The following MAP3K19 variants were observed in gnomAD, a reference collection of about 807,000 sequenced individuals.
MAP3K19 encodes the protein mitogen-activated protein kinase kinase kinase 19.
MAP3K19 carries 91 observed loss-of-function variants against 114.4 expected under a neutral mutation model. The ratio of observed to expected loss-of-function variants is 0.80; its 90% CI spans 0.67 to 0.95. The LOEUF (loss-of-function observed/expected upper bound fraction) is 0.95. MAP3K19 is among the 40% of genes least tolerant of loss of function. MAP3K19 has a pLI of 0.00. For missense variants in MAP3K19, 1,471 were observed against 1,573.2 expected, an observed-to-expected ratio of 0.94 and a Z score of 1.10; for synonymous variants, 518 against 530.5, an observed-to-expected ratio of 0.98 and a Z score of 0.32.
chr2:135,046,143 G>C (rs1345045485), intron 1 of MAP3K19, among the ~76,000 whole-genome samples: 1 of 152,042 alleles, frequency 6.6e-6, no homozygotes, highest in East Asian at 1.9e-4. Flanking sequence ...TGTTGCCCAG[G>C]CTTAGTCACA....
chr2:135,042,098 T>TA (rs1192999731), intron 1 of MAP3K19, among the ~76,000 whole-genome samples: 3 of 152,134 alleles, frequency 2.0e-5, no homozygotes, highest in South Asian at 2.1e-4. Context: ...ATAGGTTAGA[T>TA]AAAATACAAG....
chr2:134,967,796 G>A (rs1194253351), intron 12 of MAP3K19, among the ~76,000 whole-genome samples: 1 of 151,838 alleles, frequency 6.6e-6, no homozygotes, highest in Non-Finnish European at 1.5e-5. Flanking sequence ...GGTATGCTGA[G>A]CGCCGGTCCC....
At chr2:135,044,245 C>T (rs965025689) in intron 1 of MAP3K19, among the ~76,000 whole-genome samples, 2 of 152,156 alleles carry the variant, frequency 1.3e-5, no homozygotes, top group Non-Finnish European at 1.5e-5. Flanking sequence ...GAAGCACAGA[C>T]ATTGGCAAAA....
chr2:134,982,539 C>T (rs1432834084), intron 11 of MAP3K19, among the ~76,000 whole-genome samples: 1 of 151,668 alleles, frequency 6.6e-6, no homozygotes, highest in Non-Finnish European at 1.5e-5. Context: ...TTAGTAGAGA[C>T]GGGGTTTTAC....
intron 9 of MAP3K19, among the ~76,000 whole-genome samples, chr2:134,990,842 T>G (rs1685517401): frequency 6.6e-6 from 1 of 152,184 alleles, no homozygotes; most frequent in South Asian, 2.1e-4. Context: ...ATAATACATA[T>G]AACACAAAAT....
chr2:135,039,043 A>G (rs1688591916), intron 2 of MAP3K19, among the ~76,000 whole-genome samples: 2 of 151,080 alleles, frequency 1.3e-5, no homozygotes, highest in South Asian at 4.2e-4. Context: ...ATATACAGAG[A>G]GGGCTTTTGA....
At chr2:135,033,725 G>A (rs1280532346) in intron 2 of MAP3K19, among the ~76,000 whole-genome samples, 4 of 101,576 alleles carry the variant, frequency 3.9e-5, no homozygotes, top group African/African-American at 1.1e-4. Context: ...CCTCCCGGAC[G>A]GGGTGGCTGG....
chr2:134,977,836 G>A (rs1170727957), intron 12 of MAP3K19, among the ~76,000 whole-genome samples: 1 of 152,112 alleles, frequency 6.6e-6, no homozygotes. Flanking sequence ...TCTCTAACAA[G>A]GCTAAGCTCG....
rs767345473 is a variant in MAP3K19 at position 134,964,832 on chromosome 2, G to GA, written c.*17dup. On this transcript the variant is annotated 3_prime_UTR_variant, in exon 13 of 13. Transcript: ENST00000392915. ...GGAGCATCTGCAGTGGAACTGGGAA[G>GA]AAAGTCTTGATGTATATTCAGTGAC... The GA allele has an allele frequency of 6.2e-7, 1 of 1,600,594 alleles. No homozygotes were observed. The highest frequency in any genetic ancestry group is 1.1e-5 in the South Asian group (1 of 90,208).
chr2:135,042,466 C>T (rs1412605336), intron 1 of MAP3K19, among the ~76,000 whole-genome samples: 30 of 146,250 alleles, frequency 2.1e-4, no homozygotes, highest in African/African-American at 7.5e-4. Flanking sequence ...CGCGCCACTG[C>T]ACTCCAGCCT....
intron 12 of MAP3K19, among the ~76,000 whole-genome samples, chr2:134,974,999 C>G (rs865806056): frequency 2.0e-5 from 3 of 152,284 alleles, no homozygotes; most frequent in Middle Eastern, 3.4e-3. Flanking sequence ...TCCTCAGCGG[C>G]TAAGTCTGTG....
chr2:134,977,040 C>T (rs1379271444), intron 12 of MAP3K19, among the ~76,000 whole-genome samples: 1 of 144,430 alleles, frequency 6.9e-6, no homozygotes, highest in African/African-American at 2.6e-5. Flanking sequence ...AGCAAGACTC[C>T]GTCTCGGAAA....
Position 134,987,136 on chromosome 2 carries a change from A to T in MAP3K19, c.1736T>A (p.Leu579His), listed in dbSNP as rs770111328. Residue 579 changes from leucine (L) to histidine (H), a missense_variant, in exon 10 of 13, where the codon CTT becomes CAT. Transcript: ENST00000392915. ...CAATTGCCAAGGCCTGGGGTCCACA[A>T]GTCCCAAAGCCGGGAAAATTTGTGT... ...IKTQIFPALG[L>H]VDPRPWQLPR... The T allele has an allele frequency of 3.7e-6, 6 of 1,614,002 alleles. No homozygotes were observed. Among genetic ancestry groups the T allele is most frequent in the African/African-American group, 1.3e-5 (1 of 74,918 alleles).
chr2:135,019,094 A>G (rs1687798186), intron 5 of MAP3K19, among the ~76,000 whole-genome samples: 2 of 152,150 alleles, frequency 1.3e-5, no homozygotes, highest in South Asian at 2.1e-4. Context: ...AAAAAGAAAA[A>G]AAAAAGCTCT....
intron 1 of MAP3K19, among the ~76,000 whole-genome samples, chr2:135,044,378 G>A (rs945079691): frequency 7.2e-5 from 11 of 152,186 alleles, no homozygotes; most frequent in Admixed American, 6.5e-5. Context: ...ATCACCCGAG[G>A]TCAGGAGTTC....
intron 8 of MAP3K19, among the ~76,000 whole-genome samples, chr2:134,991,792 A>G (rs1685598631): frequency 6.6e-6 from 1 of 152,178 alleles, no homozygotes; most frequent in Admixed American, 6.5e-5. Flanking sequence ...TTTTATATTT[A>G]TATCTCTATT....
rs1688189748 is a variant in MAP3K19 at position 135,024,720 on chromosome 2, A to G, written c.-73T>C. 1 of 1,325,890 alleles carries G rather than the reference A, an allele frequency of 7.5e-7. No individual in the cohort carries two copies. The highest frequency in any genetic ancestry group is 1.8e-5 in the Admixed American group (1 of 56,662). 82.1% of individuals were successfully genotyped at this position (1,325,890 alleles called of 1,614,324 possible). On this transcript the variant is annotated 5_prime_UTR_variant, in exon 4 of 13. Transcript: ENST00000392915. ...CATAATGTATTGCTGATTTTCCACTAAAATCACAAAGTTTAGGATCTCTAG... is the reference window on the plus strand; with the variant it reads ...CATAATGTATTGCTGATTTTCCACTGAAATCACAAAGTTTAGGATCTCTAG...
At chr2:134,967,759 CAG>C (rs1475225362) in intron 12 of MAP3K19, among the ~76,000 whole-genome samples, 1 of 151,952 alleles carries the variant, frequency 6.6e-6, no homozygotes, top group Non-Finnish European at 1.5e-5. Context: ...TGAGGGAACT[CAG>C]GGGCCTGTGC....
intron 5 of MAP3K19, among the ~76,000 whole-genome samples, chr2:135,014,286 G>A (rs574390757): frequency 6.6e-5 from 10 of 152,196 alleles, no homozygotes; most frequent in African/African-American, 1.4e-4. Flanking sequence ...CCTGGAAGGC[G>A]GAGGTTGCAG....
Sources: allele counts gnomAD v4.1 joint callset (sites outside exome capture counted in the v4.1 genomes callset), GRCh38; gene constraint gnomAD v4.1.1; transcripts MANE v1.5; gene names NCBI Gene and HGNC (gene_info 2026-07-23, HGNC 2026-07-21).